CREB5: variants seen among roughly 807,000 people sequenced by gnomAD.
CREB5 encodes cyclic AMP-responsive element-binding protein 5.
A neutral mutation model predicts 57.1 loss-of-function variants in CREB5; 19 were observed. The observed-to-expected ratio is 0.33, with a 90% CI of 0.23 to 0.49. The LOEUF is 0.49. Among genes scored for constraint, CREB5 ranks in the 20% least tolerant of loss-of-function variants. CREB5 has a pLI of 0.99. For synonymous variants in CREB5, 238 were observed against 238.3 expected (o/e 1.00, Z 0.01); for missense variants, 579 against 671.6 (o/e 0.86, Z 1.52).
At chr7:28,354,669 A>C (rs1200542102) in intron 1 of CREB5, among the ~76,000 whole-genome samples, 1 of 152,030 alleles carries the variant, frequency 6.6e-6, no homozygotes, top group East Asian at 1.9e-4. Context: ...CCTGTGCCAG[A>C]CTCTGTTGGT....
intron 9 of CREB5, among the ~76,000 whole-genome samples, chr7:28,814,679 G>A (rs952083137): frequency 5.9e-5 from 9 of 152,254 alleles, no homozygotes; most frequent in Middle Eastern, 3.4e-3. Flanking sequence ...ATTCTTTCTG[G>A]AAGGAACTTT....
chr7:28,687,697 A>G (rs1801020517), intron 5 of CREB5, among the ~76,000 whole-genome samples: 1 of 151,918 alleles, frequency 6.6e-6, no homozygotes, highest in South Asian at 2.1e-4. Context: ...AAAGGTGTCT[A>G]TTTATTTAAC....
chr7:28,550,005 C>A (rs183718580), intron 4 of CREB5, among the ~76,000 whole-genome samples: 1 of 152,118 alleles, frequency 6.6e-6, no homozygotes, highest in Admixed American at 6.6e-5. Flanking sequence ...TCTGAAGAAG[C>A]CTCATGACAT....
chr7:28,792,858 G>T (rs1807802188), intron 7 of CREB5, among the ~76,000 whole-genome samples: 1 of 152,162 alleles, frequency 6.6e-6, no homozygotes. Flanking sequence ...AGTGTGCTCA[G>T]AGCCCAGGGG....
At chr7:28,730,751 G>A (rs568254174) in intron 7 of CREB5, among the ~76,000 whole-genome samples, 19 of 152,310 alleles carry the variant, frequency 1.2e-4, no homozygotes, top group African/African-American at 4.3e-4. Flanking sequence ...AACAGGGAAA[G>A]TTACTATGCT....
At chr7:28,374,013 G>C (rs1374352629) in intron 1 of CREB5, among the ~76,000 whole-genome samples, 2 of 151,898 alleles carry the variant, frequency 1.3e-5, no homozygotes, top group Admixed American at 1.3e-4. Context: ...AAGTTACCAA[G>C]GTTACCACTG....
chr7:28,540,990 C>A (rs943875396), intron 4 of CREB5, among the ~76,000 whole-genome samples: 1 of 152,198 alleles, frequency 6.6e-6, no homozygotes, highest in Non-Finnish European at 1.5e-5. Context: ...AACCACCAGT[C>A]CTGTCCTGTG....
chr7:28,300,479 A>G (rs1376237596), intron 1 of CREB5, among the ~76,000 whole-genome samples: 1 of 152,226 alleles, frequency 6.6e-6, no homozygotes, highest in Non-Finnish European at 1.5e-5. Context: ...GTTATTGAAC[A>G]TGTCTATGTG....
At chr7:28,732,146 C>G (rs1378969757) in intron 7 of CREB5, among the ~76,000 whole-genome samples, 1 of 152,054 alleles carries the variant, frequency 6.6e-6, no homozygotes, top group Non-Finnish European at 1.5e-5. Flanking sequence ...TCTCTTGGCC[C>G]TACCTTCTCC....
At chr7:28,371,550 G>A (rs1166218290) in intron 1 of CREB5, among the ~76,000 whole-genome samples, 1 of 150,942 alleles carries the variant, frequency 6.6e-6, no homozygotes, top group Non-Finnish European at 1.5e-5. Flanking sequence ...GGCCAGGCCT[G>A]AGCTGGAACA....
chr7:28,535,499 CT>C (rs940182805), intron 4 of CREB5, among the ~76,000 whole-genome samples: 7 of 141,354 alleles, frequency 5.0e-5, no homozygotes, highest in Non-Finnish European at 9.4e-5. Context: ...TCTCGACTTC[CT>C]CTTTCATTTA....
In CREB5 at chr7:28,494,955, T is replaced by G; in HGVS notation, c.125T>G (p.Met42Arg). 1 of 1,608,808 alleles carries G rather than the reference T, an allele frequency of 6.2e-7. No homozygotes were observed. Among genetic ancestry groups the G allele is most frequent in the Non-Finnish European group, 8.5e-7 (1 of 1,178,966 alleles). The part of the protein sequence containing the change: ...HLMIHRHKHE[M>R]TLKFPSIKTD... ...ATGATTCATAGGCACAAACATGAAA[T>G]GACTTTGAAGTTTCCTTCAATAAAA... The change falls in exon 3 of 11, where the codon ATG (methionine) becomes AGG (arginine). Residue 42 changes from methionine (M) to arginine (R), a missense_variant. Met to Arg is a moderately conservative substitution (Grantham distance 91). Around this residue, in one of 3 missense-constraint regions of CREB5, gnomAD observed 459 missense variants for 515.7 expected, o/e 0.89. Transcript: ENST00000357727.
chr7:28,626,437 G>A (rs921892881), intron 5 of CREB5, among the ~76,000 whole-genome samples: 4 of 152,234 alleles, frequency 2.6e-5, no homozygotes, highest in African/African-American at 9.6e-5. Flanking sequence ...CATGAGGTGT[G>A]TTATTATGAC....
intron 4 of CREB5, among the ~76,000 whole-genome samples, chr7:28,515,122 TA>T (rs1164725897): frequency 1.3e-5 from 2 of 152,208 alleles, no homozygotes; most frequent in African/African-American, 4.8e-5. Flanking sequence ...TAATGTCCAT[TA>T]AATATACTAT....
At chr7:28,649,220 G>C (rs1174815739) in intron 5 of CREB5, among the ~76,000 whole-genome samples, 1 of 152,222 alleles carries the variant, frequency 6.6e-6, no homozygotes, top group Non-Finnish European at 1.5e-5. Context: ...TTCAACCTAG[G>C]ACAGGAATTG....
intron 5 of CREB5, among the ~76,000 whole-genome samples, chr7:28,634,821 A>G (rs1198620490): frequency 6.6e-6 from 1 of 152,094 alleles, no homozygotes; most frequent in Non-Finnish European, 1.5e-5. Context: ...TTTTAATTGT[A>G]TGTTTTCATG....
At chr7:28,622,809 C>A (rs1037720607) in intron 5 of CREB5, among the ~76,000 whole-genome samples, 2 of 152,058 alleles carry the variant, frequency 1.3e-5, no homozygotes, top group African/African-American at 4.8e-5. Context: ...TCACTTCAGC[C>A]CATGGTTTCA....
chr7:28,305,645 A>T (rs938198443), intron 1 of CREB5, among the ~76,000 whole-genome samples: 2 of 152,004 alleles, frequency 1.3e-5, no homozygotes, highest in Non-Finnish European at 2.9e-5. Flanking sequence ...GTAGCCACAC[A>T]TTCTCATCCT....
intron 5 of CREB5, among the ~76,000 whole-genome samples, chr7:28,579,536 C>T (rs1202073317): frequency 3.3e-5 from 5 of 152,092 alleles, no homozygotes; most frequent in Middle Eastern, 3.2e-3. Context: ...CATTGGGTAG[C>T]GACATGATGG....
Sources: allele counts gnomAD v4.1 joint callset (sites outside exome capture counted in the v4.1 genomes callset), GRCh38; gene constraint gnomAD v4.1.1; regional missense constraint gnomAD v4.1.1; transcripts MANE v1.5; gene names NCBI Gene and HGNC (gene_info 2026-07-23, HGNC 2026-07-21).